Variants in COL4A4 observed in about 807,000 individuals in gnomAD.
COL4A4 encodes collagen alpha-4(IV) chain.
COL4A4 carries 105 observed loss-of-function variants against 192.9 expected under a neutral mutation model. The observed-to-expected ratio is 0.54, with a 90% CI of 0.46 to 0.64. The LOEUF is 0.64. Among genes scored for constraint, COL4A4 ranks in the 30% least tolerant of loss-of-function variants. The pLI is 0.00. For missense variants in COL4A4, 1,967 were observed against 2,169.3 expected (o/e 0.91, Z 1.85); for synonymous variants, 762 against 769.9 (o/e 0.99, Z 0.17).
In COL4A4 at chr2:227,003,663, G is replaced by A. The variant is rs1045281349; in HGVS notation, c.*3662C>T. The A allele has an allele frequency of 1.3e-5, 2 of 152,040 alleles. No individual in the cohort carries two copies. The highest frequency in any genetic ancestry group is 4.8e-5 in the African/African-American group (2 of 41,376). The allele number at this position is 152,040 out of a possible 1,614,324, so 9.4% of individuals were successfully genotyped here. A position where few individuals can be genotyped will look rare whatever the true frequency, so the allele number is the denominator to read the frequency against. ...TGCACCATTCCATTGACTATTTTTCGGAGCACCAATAACATGTACACAAAC... is the reference window on the plus strand; with the variant it reads ...TGCACCATTCCATTGACTATTTTTCAGAGCACCAATAACATGTACACAAAC... On this transcript the variant is annotated 3_prime_UTR_variant, in exon 48 of 48. Transcript: ENST00000396625.
chr2:227,120,222 C>T (rs975716216), intron 5 of COL4A4, among the ~76,000 whole-genome samples: 2 of 152,152 alleles, frequency 1.3e-5, no homozygotes, highest in Non-Finnish European at 2.9e-5. Context: ...GTAACAAACC[C>T]TTAACTGTGA....
chr2:227,026,061 A>G (rs1016988063), intron 42 of COL4A4, among the ~76,000 whole-genome samples: 1 of 152,146 alleles, frequency 6.6e-6, no homozygotes, highest in African/African-American at 2.4e-5. Flanking sequence ...AACTCTCTTG[A>G]GCAATATAAA....
At chr2:227,155,505 T>A (rs2064267127) in intron 1 of COL4A4, among the ~76,000 whole-genome samples, 1 of 152,200 alleles carries the variant, frequency 6.6e-6, no homozygotes, top group Non-Finnish European at 1.5e-5. Context: ...TATTGTCAAG[T>A]CTCTTGCCAA....
intron 22 of COL4A4, among the ~76,000 whole-genome samples, chr2:227,085,294 C>T (rs1046649959): frequency 2.0e-5 from 3 of 152,064 alleles, no homozygotes; most frequent in Admixed American, 1.3e-4. Context: ...GGAATCAACC[C>T]GCAGCCACAG....
At chr2:227,096,746 T>G (rs1390204372) in intron 19 of COL4A4, among the ~76,000 whole-genome samples, 1 of 152,204 alleles carries the variant, frequency 6.6e-6, no homozygotes, top group African/African-American at 2.4e-5. Flanking sequence ...TAGGAGAAAT[T>G]GGAACTTTTC....
Position 227,051,066 on chromosome 2 carries a change from C to T in COL4A4, c.3061G>A (p.Gly1021Ser). Residue 1021 changes from glycine (G) to serine (S), a missense_variant, in exon 33 of 48, where the codon GGT (glycine) becomes AGT (serine). Coordinates refer to ENST00000396625, the MANE Select transcript of COL4A4 (RefSeq NM_000092.5). ...GFHRGEPGEK[G>S]QPGPPGPPGP... ...GGGGGTCCAGGAGGCCCTGGCTGACCTTTCTCACCAGGTTCCCCTCTGTGA... is the reference window on the plus strand; with the variant it reads ...GGGGGTCCAGGAGGCCCTGGCTGACTTTTCTCACCAGGTTCCCCTCTGTGA... 1 of 1,614,150 alleles carries T rather than the reference C, an allele frequency of 6.2e-7. No individual in the cohort carries two copies. The highest frequency in any genetic ancestry group is 8.5e-7 in the Non-Finnish European group (1 of 1,180,028).
At chr2:227,096,878 G>A (rs2060231810) in intron 19 of COL4A4, among the ~76,000 whole-genome samples, 1 of 151,964 alleles carries the variant, frequency 6.6e-6, no homozygotes, top group Non-Finnish European at 1.5e-5. Context: ...CTTATCTCAT[G>A]GTAAATACTG....
chr2:227,076,875 C>G (rs938539216), intron 25 of COL4A4, among the ~76,000 whole-genome samples: 5 of 152,018 alleles, frequency 3.3e-5, no homozygotes, highest in Admixed American at 6.5e-5. Context: ...ATGTGGCCAA[C>G]AAACATGAAA....
chr2:227,078,052 C>A lies in COL4A4; in HGVS notation c.1829G>T (p.Gly610Val). The A allele has an allele frequency of 1.2e-6, 2 of 1,614,008 alleles. No individual in the cohort carries two copies. Among genetic ancestry groups the A allele is most frequent in the Non-Finnish European group, 1.7e-6 (2 of 1,180,006 alleles). Residue 610 changes from glycine to valine, a missense_variant, in exon 25 of 48, where the codon GGT becomes GTT. Gly to Val is a moderately radical substitution (Grantham distance 109). Transcript: ENST00000396625. ...CAGAGGTCCAGGAAATCCTTTACCA[C>A]CTGGGGTCGCATCTTCATGATCCCC... ...PPGDHEDATP[G>V]GKGFPGPLGP... is the part of the protein sequence containing the mutation.
intron 18 of COL4A4, 141 bp from the exon 19 acceptor site, chr2:227,098,939 T>A (rs1051211176): frequency 1.4e-6 from 1 of 695,450 alleles, no homozygotes; most frequent in Non-Finnish European, 2.5e-6. Flanking sequence ...AAACGAAATA[T>A]CTTAAATGTG....
intron 28 of COL4A4, among the ~76,000 whole-genome samples, chr2:227,058,257 A>G (rs6734191): frequency 0.17 from 25,713 of 152,074 alleles, 2,856 homozygotes; most frequent in African/African-American, 0.32. Context: ...CCTTTGAGAG[A>G]TAGAGTGTGT....
At chr2:226,974,328 C>A in the COL4A4 span, among the ~76,000 whole-genome samples, 7 of 150,960 alleles carry the variant, frequency 4.6e-5, no homozygotes, top group African/African-American at 1.7e-4. Flanking sequence ...AGCTCCACCC[C>A]CTGGGTTCAC....
At chr2:226,971,489 T>C in the COL4A4 span, among the ~76,000 whole-genome samples, 1 of 152,232 alleles carries the variant, frequency 6.6e-6, no homozygotes, top group Non-Finnish European at 1.5e-5. Context: ...TCTTCTCTGT[T>C]ACAGCTAAGG....
At chr2:227,043,205 C>T (rs1361991707) in intron 35 of COL4A4, 21 bp from the exon 36 acceptor site, 5 of 1,591,406 alleles carry the variant, frequency 3.1e-6, no homozygotes, top group Admixed American at 3.3e-5. Flanking sequence ...AAAGATCAAA[C>T]ATCAGAGTTG....
intron 1 of COL4A4, among the ~76,000 whole-genome samples, chr2:227,161,306 T>C (rs1416561502): frequency 6.6e-6 from 1 of 152,198 alleles, no homozygotes; most frequent in Non-Finnish European, 1.5e-5. Context: ...ACGGACATGA[T>C]ACTGTGAAAA....
chr2:227,078,731 C>T (rs886889908), intron 24 of COL4A4, among the ~76,000 whole-genome samples: 6 of 152,132 alleles, frequency 3.9e-5, no homozygotes, highest in African/African-American at 1.4e-4. Context: ...AAATCAAATA[C>T]ATTCTTATGT....
At chr2:226,987,355 G>A in the COL4A4 span, among the ~76,000 whole-genome samples, 1 of 152,146 alleles carries the variant, frequency 6.6e-6, no homozygotes, top group South Asian at 2.1e-4. Flanking sequence ...AAAAAAATTG[G>A]GATGGGAGGA....
the COL4A4 span, among the ~76,000 whole-genome samples, chr2:226,988,136 G>A: frequency 6.6e-6 from 1 of 152,270 alleles, no homozygotes; most frequent in East Asian, 1.9e-4. Context: ...TGAGCTCAGT[G>A]TATTATCATT....
chr2:226,983,568 G>C, the COL4A4 span, among the ~76,000 whole-genome samples: 1 of 152,150 alleles, frequency 6.6e-6, no homozygotes. Flanking sequence ...GTTCTCAGCA[G>C]AAGTTGCCAA....
Sources: gnomAD v4.1 joint callset for allele counts (sites outside exome capture counted in the v4.1 genomes callset) on GRCh38, gnomAD v4.1.1 for gene constraint, MANE v1.5 for transcripts, NCBI Gene and HGNC (gene_info 2026-07-23, HGNC 2026-07-21) for gene names.